GALNTL6: variants seen among roughly 807,000 people sequenced by gnomAD.
The protein encoded by GALNTL6 is polypeptide N-acetylgalactosaminyltransferase like 6, also known as polypeptide N-acetylgalactosaminyltransferase-like 6.
Under a neutral mutation model 73.7 loss-of-function variants are expected in GALNTL6, and 46 were observed. That is an observed-to-expected ratio of 0.62 (90% confidence interval 0.49 to 0.80). GALNTL6 has a LOEUF of 0.80. Ranked by LOEUF, GALNTL6 falls within the 30% of genes least tolerant of loss-of-function variation. GALNTL6 has a pLI of 0.00. For missense variants in GALNTL6, 604 were observed against 755.0 expected, an observed-to-expected ratio of 0.80 and a Z score of 2.34; for synonymous variants, 259 against 263.7, an observed-to-expected ratio of 0.98 and a Z score of 0.17.
At chr4:172,408,166 T>G (rs1744303456) in intron 5 of GALNTL6, among the ~76,000 whole-genome samples, 1 of 152,062 alleles carries the variant, frequency 6.6e-6, no homozygotes, top group African/African-American at 2.4e-5. Context: ...TGAAAGTCTG[T>G]CATAAGATAT....
At chr4:173,011,061 G>A (rs1213825583) in intron 11 of GALNTL6, among the ~76,000 whole-genome samples, 3 of 152,310 alleles carry the variant, frequency 2.0e-5, no homozygotes, top group South Asian at 4.1e-4. Context: ...CAACTGGGGT[G>A]AGATGATAAC....
chr4:172,153,163 T>G (rs549014831), intron 2 of GALNTL6, among the ~76,000 whole-genome samples: 62 of 152,334 alleles, frequency 4.1e-4, no homozygotes, highest in Admixed American at 6.5e-4. Flanking sequence ...GACTTTATTC[T>G]AAAACTTTAA....
At chr4:172,579,751 C>A (rs1737099158) in intron 5 of GALNTL6, among the ~76,000 whole-genome samples, 1 of 143,274 alleles carries the variant, frequency 7.0e-6, no homozygotes, top group African/African-American at 2.6e-5. Flanking sequence ...AATTTCAGGA[C>A]TTTCAACTGG....
At chr4:172,446,698 T>C (rs1056388438) in intron 5 of GALNTL6, among the ~76,000 whole-genome samples, 1 of 152,144 alleles carries the variant, frequency 6.6e-6, no homozygotes, top group African/African-American at 2.4e-5. Context: ...AGCTTCATTG[T>C]CACAAAAGTA....
rs1737297216 is a variant in GALNTL6 at position 172,749,378 on chromosome 4, C to T, written c.554-59983C>T. On this transcript the variant is annotated intron_variant, in intron 5 of 12. Coordinates refer to ENST00000506823, the MANE Select transcript of GALNTL6 (RefSeq NM_001034845.3). ...GCATTATGCCAGGTGATATTTTTCA[C>T]TTAAAATTTTTTCAGCTAACCAATT... Among the ~76,000 whole-genome samples, 3 of 152,034 alleles carry T rather than the reference C, an allele frequency of 2.0e-5. No individual in the cohort carries two copies. In the South Asian group the frequency reaches 6.2e-4, roughly 31 times the overall value.
At chr4:171,983,464 T>TTTTA (rs3081370) in intron 2 of GALNTL6, among the ~76,000 whole-genome samples, 32,746 of 140,898 alleles carry the variant, frequency 0.23, 3,955 homozygotes, top group Middle Eastern at 0.27. Flanking sequence ...GGCATCTTGA[T>TTTTA]TTTATTTATT....
At chr4:172,350,531 T>C (rs896072197) in intron 5 of GALNTL6, among the ~76,000 whole-genome samples, 7 of 152,142 alleles carry the variant, frequency 4.6e-5, no homozygotes, top group African/African-American at 1.7e-4. Context: ...GGAACAGTAA[T>C]GGTGATTTTT....
rs5864170 is a variant in GALNTL6 at position 172,809,912 on chromosome 4, T to TACACACACACACACAC, written c.739+390_739+405dup. Among the ~76,000 whole-genome samples, 15 of 141,144 alleles carry TACACACACACACACAC rather than the reference T, an allele frequency of 1.1e-4. No homozygotes were observed. The highest frequency in any genetic ancestry group is 3.9e-4 in the African/African-American group (15 of 38,346). The allele number at this position is 141,144 out of a possible 152,430, so 92.6% of individuals were successfully genotyped here. A position where few individuals can be genotyped will look rare whatever the true frequency, so the allele number is the denominator to read the frequency against. ...TCCTGTAGCTACAGCAAGATTAAAA[T>TACACACACACACACAC]ACACACACACACACACACACACACA... On this transcript the variant is annotated intron_variant, in intron 6 of 12. Coordinates refer to ENST00000506823, the MANE Select transcript of GALNTL6 (RefSeq NM_001034845.3). The surrounding 1 kb of genome is among the most constrained non-coding windows in gnomAD (Gnocchi z 4.4).
At chr4:172,727,339 A>G (rs1351837238) in intron 5 of GALNTL6, among the ~76,000 whole-genome samples, 1 of 152,216 alleles carries the variant, frequency 6.6e-6, no homozygotes, top group African/African-American at 2.4e-5. Context: ...TTTTTTCAAG[A>G]GCTGCCAAAT....
chr4:172,276,742 G>T (rs970700634), intron 3 of GALNTL6, among the ~76,000 whole-genome samples: 18 of 151,696 alleles, frequency 1.2e-4, no homozygotes, highest in Non-Finnish European at 1.5e-5. Flanking sequence ...TTAATTGTGG[G>T]GTTTTTTTTA....
intron 2 of GALNTL6, among the ~76,000 whole-genome samples, chr4:171,983,345 G>A (rs1031153619): frequency 5.3e-5 from 8 of 152,092 alleles, no homozygotes; most frequent in African/African-American, 1.9e-4. Flanking sequence ...CCTGTAACAG[G>A]TGCTATCATA....
intron 5 of GALNTL6, among the ~76,000 whole-genome samples, chr4:172,781,811 C>A (rs1739382577): frequency 1.3e-5 from 2 of 151,902 alleles, no homozygotes; most frequent in Admixed American, 6.6e-5. Flanking sequence ...AACATTTTTA[C>A]CCTATATACT....
intron 2 of GALNTL6, among the ~76,000 whole-genome samples, chr4:171,897,744 G>A (rs1054694203): frequency 6.7e-6 from 1 of 150,230 alleles, no homozygotes; most frequent in Non-Finnish European, 1.5e-5. Flanking sequence ...TCCGCCTCCC[G>A]GTGAAACCGC....
At chr4:171,974,924 C>T (rs1739675807) in intron 2 of GALNTL6, among the ~76,000 whole-genome samples, 1 of 152,134 alleles carries the variant, frequency 6.6e-6, no homozygotes. Context: ...TTACAAATTA[C>T]ACTAATAGTC....
chr4:172,820,734 C>T, intron 7 of GALNTL6, among the ~76,000 whole-genome samples: 1 of 152,184 alleles, frequency 6.6e-6, no homozygotes, highest in South Asian at 2.1e-4. Context: ...AATATTCTCA[C>T]AAATTTTGCA....
intron 2 of GALNTL6, among the ~76,000 whole-genome samples, chr4:171,905,036 A>G (rs1338544760): frequency 6.6e-6 from 1 of 152,208 alleles, no homozygotes; most frequent in Non-Finnish European, 1.5e-5. Context: ...GCCACTGCAA[A>G]ATCATGCCAA....
At chr4:171,931,616 G>T (rs1738187697) in intron 2 of GALNTL6, among the ~76,000 whole-genome samples, 2 of 152,068 alleles carry the variant, frequency 1.3e-5, no homozygotes, top group Admixed American at 1.3e-4. Flanking sequence ...TAAAACCAAG[G>T]ATTATATCTA....
intron 5 of GALNTL6, among the ~76,000 whole-genome samples, chr4:172,689,079 G>C (rs1249407477): frequency 6.6e-6 from 1 of 152,144 alleles, no homozygotes; most frequent in Non-Finnish European, 1.5e-5. Context: ...CAGTATGCTA[G>C]TGTTAGAAGT....
intron 5 of GALNTL6, among the ~76,000 whole-genome samples, chr4:172,373,899 C>A (rs192963922): frequency 6.6e-6 from 1 of 152,156 alleles, no homozygotes; most frequent in African/African-American, 2.4e-5. Flanking sequence ...ACTGAGAAGG[C>A]CGCGCCAGTG....
Sources: gnomAD v4.1 joint callset for allele counts (sites outside exome capture counted in the v4.1 genomes callset) on GRCh38, gnomAD v4.1.1 for gene constraint, Gnocchi (gnomAD v3.1) non-coding constraint, MANE v1.5 for transcripts, NCBI Gene and HGNC (gene_info 2026-07-23, HGNC 2026-07-21) for gene names.